Variants in LGSN observed in about 807,000 individuals in gnomAD.
The protein encoded by LGSN is lengsin, lens protein with glutamine synthetase domain.
In LGSN, 21 loss-of-function variants were observed where a neutral mutation model predicts 19.5. That is an observed-to-expected ratio of 1.07 (90% CI 0.76 to 1.55). LGSN has a LOEUF of 1.55. Ranked by LOEUF, LGSN falls within the 40% of genes most tolerant of loss-of-function variation. LGSN has a pLI of 0.00. For missense variants in LGSN, 673 were observed against 608.5 expected, an observed-to-expected ratio of 1.11 and a Z score of -1.12; for synonymous variants, 257 against 215.6, an observed-to-expected ratio of 1.19 and a Z score of -1.68.
chr6:63,463,779 T>C, the LGSN span, among the ~76,000 whole-genome samples: 20 of 152,176 alleles, frequency 1.3e-4, no homozygotes, highest in African/African-American at 4.8e-4. Flanking sequence ...GTTGAAAACC[T>C]GAAATTTAAT....
the LGSN span, among the ~76,000 whole-genome samples, chr6:63,355,143 T>C: frequency 2.0e-5 from 3 of 152,022 alleles, no homozygotes; most frequent in African/African-American, 7.2e-5. Flanking sequence ...AAATGATAAA[T>C]GGAAAAGGTG....
the LGSN span, among the ~76,000 whole-genome samples, chr6:63,405,647 T>A: frequency 6.6e-6 from 1 of 152,190 alleles, no homozygotes; most frequent in Non-Finnish European, 1.5e-5. Flanking sequence ...GCTAACATCA[T>A]AATGACAGGA....
the LGSN span, among the ~76,000 whole-genome samples, chr6:63,498,379 C>T: frequency 4.7e-4 from 72 of 152,180 alleles, no homozygotes; most frequent in African/African-American, 1.7e-3. Context: ...TCAGAGCAAC[C>T]TTGCCTGCCC....
At chr6:63,520,083 C>G in the LGSN span, among the ~76,000 whole-genome samples, 1 of 152,190 alleles carries the variant, frequency 6.6e-6, no homozygotes, top group Non-Finnish European at 1.5e-5. Flanking sequence ...TTTGCGAGAA[C>G]ATAATTATCA....
the LGSN span, among the ~76,000 whole-genome samples, chr6:63,486,739 C>T: frequency 7.3e-6 from 1 of 137,316 alleles, no homozygotes. Flanking sequence ...AGCTGCAGTG[C>T]AGTGGTGTGA....
At chr6:63,339,201 ATG>A in the LGSN span, among the ~76,000 whole-genome samples, 2 of 152,124 alleles carry the variant, frequency 1.3e-5, no homozygotes, top group Non-Finnish European at 2.9e-5. Flanking sequence ...TTGGTCTATA[ATG>A]CAGATTAAGT....
At chr6:63,417,392 A>T in the LGSN span, among the ~76,000 whole-genome samples, 1 of 152,048 alleles carries the variant, frequency 6.6e-6, no homozygotes, top group Non-Finnish European at 1.5e-5. Context: ...CTAAGTTTCT[A>T]AGTTTTACTA....
At chr6:63,367,781 G>A in the LGSN span, among the ~76,000 whole-genome samples, 1 of 151,254 alleles carries the variant, frequency 6.6e-6, no homozygotes. Context: ...ATGATTTCTT[G>A]TCCTTTGTAG....
chr6:63,418,377 A>AT, the LGSN span, among the ~76,000 whole-genome samples: 1 of 152,124 alleles, frequency 6.6e-6, no homozygotes, highest in Admixed American at 6.5e-5. Flanking sequence ...CCTGGCCAAC[A>AT]TGGTGAAACC....
At chr6:63,333,315 T>C in the LGSN span, among the ~76,000 whole-genome samples, 3 of 151,450 alleles carry the variant, frequency 2.0e-5, no homozygotes, top group Non-Finnish European at 2.9e-5. Context: ...TTCTACCAAA[T>C]GTATGCAGAA....
chr6:63,554,006 C>G, the LGSN span, among the ~76,000 whole-genome samples: 1 of 152,144 alleles, frequency 6.6e-6, no homozygotes, highest in Admixed American at 6.5e-5. Context: ...TTTCCAATTA[C>G]CAGTCTAGAA....
At chr6:63,421,222 G>C in the LGSN span, among the ~76,000 whole-genome samples, 1 of 150,786 alleles carries the variant, frequency 6.6e-6, no homozygotes, top group Non-Finnish European at 1.5e-5. Flanking sequence ...AGGAGTTCAA[G>C]ACCAGCCTGG....
chr6:63,545,188 A>G, the LGSN span, among the ~76,000 whole-genome samples: 1 of 152,088 alleles, frequency 6.6e-6, no homozygotes, highest in African/African-American at 2.4e-5. Flanking sequence ...TCTTATTTTG[A>G]TACTCAAATC....
the LGSN span, among the ~76,000 whole-genome samples, chr6:63,529,157 A>ATG: frequency 5.8e-5 from 6 of 103,056 alleles, 1 homozygote; most frequent in South Asian, 5.9e-4. Flanking sequence ...ATGTATATAT[A>ATG]TGTGTGTATA....
At chr6:63,282,387 G>A (rs1309371960) in intron 3 of LGSN, among the ~76,000 whole-genome samples, 1 of 151,962 alleles carries the variant, frequency 6.6e-6, no homozygotes, top group East Asian at 1.9e-4. Flanking sequence ...ATAAACAACA[G>A]AAACTCATTC....
In LGSN at chr6:63,300,952, C is replaced by T. The variant is rs1277264435; in HGVS notation, c.31-5907G>A. Reference sequence around the variant, plus strand: ...GGTTTTACACTGGAAGTTAGAATTACTAAGAGTTAAAATTTAAGTTAATAT... The same window carrying T: ...GGTTTTACACTGGAAGTTAGAATTATTAAGAGTTAAAATTTAAGTTAATAT... On this transcript the variant is annotated intron_variant, in intron 1 of 3. Coordinates refer to ENST00000370657, the MANE Select transcript of LGSN (RefSeq NM_016571.3). Among the ~76,000 whole-genome samples the T allele has an allele frequency of 3.3e-5, 5 of 152,172 alleles. No individual in the cohort carries two copies. The South Asian group carries it at 6.2e-4, about 19-fold the overall frequency.
At chr6:63,325,601 G>A in the LGSN span, among the ~76,000 whole-genome samples, 1 of 152,304 alleles carries the variant, frequency 6.6e-6, no homozygotes, top group South Asian at 2.1e-4. Flanking sequence ...GTAATAATGT[G>A]TCCGGAATTG....
At chr6:63,366,562 C>T in the LGSN span, among the ~76,000 whole-genome samples, 1 of 152,140 alleles carries the variant, frequency 6.6e-6, no homozygotes, top group South Asian at 2.1e-4. Context: ...CTACCAATGA[C>T]TTTCTTCACA....
At chr6:63,309,693 ATACT>A (rs1476874396) in intron 1 of LGSN, among the ~76,000 whole-genome samples, 1 of 152,204 alleles carries the variant, frequency 6.6e-6, no homozygotes, top group Non-Finnish European at 1.5e-5. Flanking sequence ...ATTATTTCAC[ATACT>A]TATCACTTGG....
Sources: gnomAD v4.1 joint callset for allele counts (sites outside exome capture counted in the v4.1 genomes callset) on GRCh38, gnomAD v4.1.1 for gene constraint, MANE v1.5 for transcripts, NCBI Gene and HGNC (gene_info 2026-07-23, HGNC 2026-07-21) for gene names.